TMCO2: variants seen among roughly 807,000 people sequenced by gnomAD.
TMCO2 encodes transmembrane and coiled-coil domain-containing protein 2.
Under a neutral mutation model 18.0 loss-of-function variants are expected in TMCO2, and 15 were observed. The ratio of observed to expected loss-of-function variants is 0.84; its 90% CI spans 0.56 to 1.29. The LOEUF (loss-of-function observed/expected upper bound fraction) is 1.29, where lower values mean the gene tolerates loss of function less well. Ranked by LOEUF, TMCO2 falls within the 50% of genes most tolerant of loss-of-function variation. The pLI, the probability that TMCO2 is intolerant of heterozygous loss-of-function variation, is 0.00. For synonymous variants in TMCO2, 79 were observed against 75.9 expected (o/e 1.04, Z -0.21); for missense variants, 182 against 200.9 (o/e 0.91, Z 0.57).
chr1:40,251,346 G>A lies in TMCO2; in HGVS notation c.301G>A (p.Ala101Thr). 6.2e-7 allele frequency: 1 copy of A among 1,613,750 alleles called. No homozygotes were observed. The highest frequency in any genetic ancestry group is 1.3e-5 in the African/African-American group (1 of 75,006). ...LYKKGSHIFE[A>T]LLANPEGSGL... ...CAAGAAGGGCTCACATATTTTTGAG[G>A]CTTTGCTAGCCAACCCAGAAGGAAG... Residue 101 changes from alanine to threonine, a missense_variant, in exon 2 of 2, where the codon GCT (alanine) becomes ACT (threonine). Ala to Thr is a moderately conservative substitution (Grantham distance 58). Transcript: ENST00000372766.
Position 40,251,625 on chromosome 1 carries a change from AGC to A in TMCO2, c.*32_*33del, listed in dbSNP as rs1326316719. ...GATGGACTCCAATCTTTTCCAGGAA[AGC>A]ACTGTTTCCCTCATGTGTGCAGTGG... On this transcript the variant is annotated 3_prime_UTR_variant, in exon 2 of 2. Coordinates refer to ENST00000372766, the MANE Select transcript of TMCO2 (RefSeq NM_001008740.4). 1 of 1,585,100 alleles carries A rather than the reference AGC, an allele frequency of 6.3e-7. No homozygotes were observed. The highest frequency in any genetic ancestry group is 8.5e-7 in the Non-Finnish European group (1 of 1,171,576).
intron 1 of TMCO2, among the ~76,000 whole-genome samples, chr1:40,250,873 T>C (rs150741456): frequency 3.4e-4 from 52 of 152,292 alleles, no homozygotes; most frequent in East Asian, 3.9e-4. Flanking sequence ...CATGGTGGCT[T>C]ACGCCTGTAA....
chr1:40,248,557 C>T (rs1161626378), intron 1 of TMCO2, among the ~76,000 whole-genome samples: 1 of 152,104 alleles, frequency 6.6e-6, no homozygotes, highest in Non-Finnish European at 1.5e-5. Flanking sequence ...CAATAGGCAC[C>T]AAAGTAGCTA....
intron 1 of TMCO2, among the ~76,000 whole-genome samples, chr1:40,249,143 T>G (rs1485168291): frequency 1.3e-5 from 2 of 152,106 alleles, no homozygotes; most frequent in Non-Finnish European, 2.9e-5. Flanking sequence ...GTTCACATAG[T>G]TTGTAAGAGC....
In TMCO2 at chr1:40,251,226, C is replaced by T. The variant is rs561550267; in HGVS notation, c.238-57C>T. ...ACTATTAGGTTTTTGTTTTGTTTTT[C>T]TCTTATAGATAGTAAACTGTAGCAA... On this transcript the variant is annotated intron_variant, in intron 1 of 1. Transcript: ENST00000372766. The T allele has an allele frequency of 7.4e-5, 107 of 1,438,410 alleles. 4 individuals are homozygous for T. In the South Asian group the frequency reaches 1.1e-3, roughly 14 times the overall value. The allele number at this position is 1,438,410 out of a possible 1,614,324, so 89.1% of individuals were successfully genotyped here. A position where few individuals can be genotyped will look rare whatever the true frequency, so the allele number is the denominator to read the frequency against.
At chr1:40,249,393 C>T (rs1643363379) in intron 1 of TMCO2, among the ~76,000 whole-genome samples, 1 of 151,388 alleles carries the variant, frequency 6.6e-6, no homozygotes, top group South Asian at 2.1e-4. Flanking sequence ...AGTGGTGCTA[C>T]AGTGAAACCC....
At position 40,251,637 on chromosome 1, in the gene TMCO2, C is replaced by T. The variant is rs746512151; in HGVS notation, c.*43C>T. 6.4e-7 allele frequency: 1 copy of T among 1,567,156 alleles called. No homozygotes were observed. The highest frequency in any genetic ancestry group is 2.2e-5 in the East Asian group (1 of 44,724). Reference sequence around the variant, plus strand: ...TCTTTTCCAGGAAAGCACTGTTTCCCTCATGTGTGCAGTGGTGTATCAATA... The same window carrying T: ...TCTTTTCCAGGAAAGCACTGTTTCCTTCATGTGTGCAGTGGTGTATCAATA... On this transcript the variant is annotated 3_prime_UTR_variant, in exon 2 of 2. Transcript: ENST00000372766.
In TMCO2 at chr1:40,249,953, G is replaced by A. The variant is rs373052245; in HGVS notation, c.238-1330G>A. 2.9e-4 allele frequency among the ~76,000 whole-genome samples: 44 copies of A among 152,054 alleles called. No individual in the cohort carries two copies. The South Asian group carries it at 3.3e-3, about 12-fold the overall frequency. ...GCCTCCCAAAGTGCTGGGATTACAG[G>A]CATGAGCCACCGTGCCCAGCATATG... is the stretch of plus-strand genomic sequence containing the variant. On this transcript the variant is annotated intron_variant, in intron 1 of 1. Coordinates refer to ENST00000372766, the MANE Select transcript of TMCO2 (RefSeq NM_001008740.4).
At position 40,248,071 on chromosome 1, in the gene TMCO2, A is replaced by G. The variant is rs1255937335; in HGVS notation, c.78A>G (p.Gln26=). ...LSLSTVWNWI[Q]ASFLGETSAP... ...TCAGCACAGTATGGAATTGGATACA[A>G]GCAAGTTTTTTGGGAGAGACTAGTG... Residue 26 remains glutamine, a synonymous_variant, in exon 1 of 2, where the codon CAA becomes CAG. Coordinates refer to ENST00000372766, the MANE Select transcript of TMCO2 (RefSeq NM_001008740.4). The G allele has an allele frequency of 6.2e-7, 1 of 1,614,242 alleles. No homozygotes were observed. Among genetic ancestry groups the G allele is most frequent in the East Asian group, 2.2e-5 (1 of 44,894 alleles).
chr1:40,250,172 A>T (rs914152607), intron 1 of TMCO2, among the ~76,000 whole-genome samples: 1 of 151,284 alleles, frequency 6.6e-6, no homozygotes, highest in Non-Finnish European at 1.5e-5. Context: ...AATTTTAAAA[A>T]TTTTTTTGTA....
chr1:40,251,156 AT>A, intron 1 of TMCO2, 126 bp from the exon 2 acceptor site: 5 of 811,432 alleles, frequency 6.2e-6, no homozygotes, highest in East Asian at 3.0e-5. Flanking sequence ...AAAAAAAAAA[AT>A]TTGCTAAATG....
In TMCO2 at chr1:40,251,585, C is replaced by G; in HGVS notation, c.540C>G (p.Ser180=). ...CCTTGTCCACATCAGGGTTTACTTC[C>G]CCCATTTGAAATGTGATGGACTCCA... ...QSPLSTSGFT[S]PI Residue 180 remains serine (S), a synonymous_variant, in exon 2 of 2, where the codon TCC becomes TCG. Transcript: ENST00000372766. 6.2e-7 allele frequency: 1 copy of G among 1,603,584 alleles called. No individual in the cohort carries two copies. Among genetic ancestry groups the G allele is most frequent in the South Asian group, 1.1e-5 (1 of 88,488 alleles).
At chr1:40,249,008 C>G (rs1298135439) in intron 1 of TMCO2, among the ~76,000 whole-genome samples, 1 of 152,146 alleles carries the variant, frequency 6.6e-6, no homozygotes, top group Admixed American at 6.5e-5. Flanking sequence ...TCATATGTCA[C>G]TATTGTTTAG....
chr1:40,249,082 G>A (rs1643359695), intron 1 of TMCO2, among the ~76,000 whole-genome samples: 1 of 152,148 alleles, frequency 6.6e-6, no homozygotes, highest in African/African-American at 2.4e-5. Flanking sequence ...GTCAGGGAGA[G>A]ATTATTTGCT....
At chr1:40,250,196 G>A (rs575212111) in intron 1 of TMCO2, among the ~76,000 whole-genome samples, 9 of 151,448 alleles carry the variant, frequency 5.9e-5, no homozygotes, top group South Asian at 2.1e-4. Context: ...ACAGGGTCTC[G>A]CTACGTTCAC....
At chr1:40,249,799 G>A (rs560260569) in intron 1 of TMCO2, among the ~76,000 whole-genome samples, 10 of 151,460 alleles carry the variant, frequency 6.6e-5, no homozygotes, top group Non-Finnish European at 1.3e-4. Flanking sequence ...TCACCCTCCC[G>A]AGTAGCTGGG....
intron 1 of TMCO2, among the ~76,000 whole-genome samples, chr1:40,249,990 T>C (rs1643368517): frequency 7.3e-6 from 1 of 137,250 alleles, no homozygotes; most frequent in African/African-American, 3.5e-5. Flanking sequence ...TTTATTTTTA[T>C]TTTTTATTTT....
intron 1 of TMCO2, among the ~76,000 whole-genome samples, chr1:40,248,842 T>C (rs957566272): frequency 1.3e-5 from 2 of 152,192 alleles, no homozygotes; most frequent in African/African-American, 4.8e-5. Context: ...GGATGGAGAT[T>C]ATTTTCACAT....
At chr1:40,250,318 A>AAAAAATAT (rs1553178359) in intron 1 of TMCO2, among the ~76,000 whole-genome samples, 3 of 145,762 alleles carry the variant, frequency 2.1e-5, no homozygotes, top group African/African-American at 7.9e-5. Flanking sequence ...ATATAAATAA[A>AAAAAATAT]ATATATATAT....
Sources: gnomAD v4.1 joint callset for allele counts (sites outside exome capture counted in the v4.1 genomes callset) on GRCh38, gnomAD v4.1.1 for gene constraint, MANE v1.5 for transcripts, NCBI Gene and HGNC (gene_info 2026-07-23, HGNC 2026-07-21) for gene names.